PTPRZ1: variants seen among roughly 807,000 people sequenced by gnomAD.
PTPRZ1 encodes protein tyrosine phosphatase receptor type Z1.
A neutral mutation model predicts 214.1 loss-of-function variants in PTPRZ1; 82 were observed. The ratio of observed to expected loss-of-function variants is 0.38; its 90% CI spans 0.32 to 0.46. PTPRZ1 has a LOEUF of 0.46. Ranked by LOEUF, PTPRZ1 falls within the 20% of genes least tolerant of loss-of-function variation. The pLI is 1.00. For missense variants in PTPRZ1, 2,603 were observed against 2,748.7 expected, an observed-to-expected ratio of 0.95 and a Z score of 1.19; for synonymous variants, 945 against 987.9, an observed-to-expected ratio of 0.96 and a Z score of 0.81.
chr7:121,927,729 A>G (rs1395668144), intron 1 of PTPRZ1, among the ~76,000 whole-genome samples: 1 of 152,212 alleles, frequency 6.6e-6, no homozygotes, highest in Non-Finnish European at 1.5e-5. Flanking sequence ...TGGGTACACT[A>G]GAAGCATTTT....
At chr7:121,875,276 C>A (rs1315248981) in intron 1 of PTPRZ1, among the ~76,000 whole-genome samples, 4 of 152,172 alleles carry the variant, frequency 2.6e-5, no homozygotes, top group Admixed American at 1.3e-4. Context: ...CTATCCTGGA[C>A]ATTTCATATA....
chr7:121,928,761 T>C (rs1368203377), intron 2 of PTPRZ1, among the ~76,000 whole-genome samples: 1 of 152,244 alleles, frequency 6.6e-6, no homozygotes. Context: ...TTTTGTCACA[T>C]TACTAGACTT....
chr7:121,905,548 A>G (rs1795089826), intron 1 of PTPRZ1, among the ~76,000 whole-genome samples: 1 of 152,120 alleles, frequency 6.6e-6, no homozygotes, highest in African/African-American at 2.4e-5. Context: ...ATTGACATCT[A>G]TAGGGAGATT....
intron 2 of PTPRZ1, among the ~76,000 whole-genome samples, chr7:121,937,156 A>G (rs541305693): frequency 6.6e-6 from 1 of 152,198 alleles, no homozygotes; most frequent in Non-Finnish European, 1.5e-5. Context: ...CTTCAATTGC[A>G]TAATTGTGCA....
At chr7:122,055,820 A>T (rs1383710180) in intron 27 of PTPRZ1, among the ~76,000 whole-genome samples, 1 of 151,916 alleles carries the variant, frequency 6.6e-6, no homozygotes, top group Non-Finnish European at 1.5e-5. Flanking sequence ...ACAAAGATTA[A>T]ATCATGTTCC....
chr7:122,008,980 G>GA, intron 11 of PTPRZ1, among the ~76,000 whole-genome samples: 1 of 152,112 alleles, frequency 6.6e-6, no homozygotes, highest in South Asian at 2.1e-4. Context: ...AATTATTTGG[G>GA]AAAATCTCTC....
intron 1 of PTPRZ1, among the ~76,000 whole-genome samples, chr7:121,903,112 C>T (rs534266688): frequency 4.9e-4 from 75 of 152,242 alleles, no homozygotes; most frequent in African/African-American, 1.7e-3. Context: ...CTGTCCAGTC[C>T]GTTGCTTGCA....
intron 10 of PTPRZ1, among the ~76,000 whole-genome samples, chr7:122,003,943 C>T (rs1798400773): frequency 6.6e-6 from 1 of 152,126 alleles, no homozygotes; most frequent in Admixed American, 6.6e-5. Flanking sequence ...TCATCAGATT[C>T]TTTAAGTAGA....
chr7:122,025,297 T>G (rs1275353566), intron 13 of PTPRZ1, among the ~76,000 whole-genome samples: 1 of 151,898 alleles, frequency 6.6e-6, no homozygotes, highest in Non-Finnish European at 1.5e-5. Context: ...ATTGATTAGG[T>G]GTATTTTTCA....
At chr7:121,935,743 T>C (rs2116401635) in intron 2 of PTPRZ1, among the ~76,000 whole-genome samples, 1 of 152,166 alleles carries the variant, frequency 6.6e-6, no homozygotes, top group Non-Finnish European at 1.5e-5. Flanking sequence ...TAATTTTTTG[T>C]ATTTTTAGTA....
chr7:121,899,945 C>T (rs937747322), intron 1 of PTPRZ1, among the ~76,000 whole-genome samples: 2 of 152,088 alleles, frequency 1.3e-5, no homozygotes, highest in Admixed American at 1.3e-4. Context: ...AACCTAGGGG[C>T]CTGCAAAGCT....
chr7:122,028,440 T>C, intron 13 of PTPRZ1, 112 bp from the exon 14 acceptor site: 1 of 721,002 alleles, frequency 1.4e-6, no homozygotes, highest in Non-Finnish European at 2.4e-6. Context: ...TCTGGGTATA[T>C]ACCTGCTTTT....
intron 12 of PTPRZ1, among the ~76,000 whole-genome samples, chr7:122,018,575 C>A (rs1230682678): frequency 3.3e-5 from 5 of 150,686 alleles, no homozygotes; most frequent in African/African-American, 4.9e-5. Flanking sequence ...ACATTTAAAA[C>A]CAATCTATAT....
At chr7:122,024,520 A>G (rs868055300) in intron 13 of PTPRZ1, among the ~76,000 whole-genome samples, 2 of 152,220 alleles carry the variant, frequency 1.3e-5, no homozygotes, top group East Asian at 1.9e-4. Flanking sequence ...GTCACTTGCT[A>G]TATAAAACTG....
chr7:121,971,462 T>A (rs899422761), intron 3 of PTPRZ1, among the ~76,000 whole-genome samples: 3 of 152,142 alleles, frequency 2.0e-5, no homozygotes, highest in Non-Finnish European at 2.9e-5. Context: ...TTTGTTTTTC[T>A]TAGGGGAGAG....
rs949029677 is a variant in PTPRZ1 at position 122,016,339 on chromosome 7, A to G, written c.4843+2450A>G. 7.9e-5 allele frequency among the ~76,000 whole-genome samples: 12 copies of G among 152,206 alleles called. No homozygotes were observed. In the Middle Eastern group the frequency reaches 0.01, roughly 129 times the overall value. The stretch of plus-strand genomic sequence containing the variant: ...TATTTCTTAATTACCTATTAATTAA[A>G]TATTTTAATTTAGGTAACTCATATA... On this transcript the variant is annotated intron_variant, in intron 12 of 29. Coordinates refer to ENST00000393386, the MANE Select transcript of PTPRZ1 (RefSeq NM_002851.3).
intron 2 of PTPRZ1, among the ~76,000 whole-genome samples, chr7:121,960,933 C>T (rs1206018429): frequency 6.6e-6 from 1 of 151,514 alleles, no homozygotes; most frequent in Non-Finnish European, 1.5e-5. Flanking sequence ...ACGGTTATCT[C>T]ACTGAAGCAT....
At chr7:121,879,265 G>T (rs1794158269) in intron 1 of PTPRZ1, among the ~76,000 whole-genome samples, 1 of 152,172 alleles carries the variant, frequency 6.6e-6, no homozygotes, top group African/African-American at 2.4e-5. Flanking sequence ...ATACATCCCA[G>T]GGGGCCAGAA....
chr7:121,908,979 T>C (rs1265582203), intron 1 of PTPRZ1: 1 of 515,828 alleles, frequency 1.9e-6, no homozygotes, highest in Non-Finnish European at 3.9e-6. Flanking sequence ...TTTAGTATTG[T>C]CACATTTTGG....
Sources: allele counts gnomAD v4.1 joint callset (sites outside exome capture counted in the v4.1 genomes callset), GRCh38; gene constraint gnomAD v4.1.1; transcripts MANE v1.5; gene names NCBI Gene and HGNC (gene_info 2026-07-23, HGNC 2026-07-21).